The following C11orf52 variants were observed in gnomAD, a reference collection of about 807,000 sequenced individuals.
C11orf52 encodes uncharacterized protein C11orf52.
Under a neutral mutation model 11.7 loss-of-function variants are expected in C11orf52, and 9 were observed. That is an observed-to-expected ratio of 0.77 (90% confidence interval 0.46 to 1.34). The LOEUF is 1.34. Among genes scored for constraint, C11orf52 ranks in the 40% most tolerant of loss-of-function variants. The pLI, the probability that C11orf52 is intolerant of heterozygous loss-of-function variation, is 0.00. For synonymous variants in C11orf52, 49 were observed against 57.4 expected, an observed-to-expected ratio of 0.85 and a Z score of 0.66; for missense variants, 139 against 154.8, an observed-to-expected ratio of 0.90 and a Z score of 0.54.
chr11:111,925,345 G>A (rs1208075494), intron 2 of C11orf52, among the ~76,000 whole-genome samples: 2 of 152,204 alleles, frequency 1.3e-5, no homozygotes, highest in Non-Finnish European at 2.9e-5. Context: ...AGAGGAAACA[G>A]CTTACTCATC....
chr11:111,921,462 T>C (rs1965697543), intron 1 of C11orf52, among the ~76,000 whole-genome samples: 1 of 152,236 alleles, frequency 6.6e-6, no homozygotes, highest in South Asian at 2.1e-4. Flanking sequence ...AAAATTTTAC[T>C]CTTTATTAAG....
In C11orf52 at chr11:111,925,253, G is replaced by C. The variant is rs189602121; in HGVS notation, c.71-400G>C. The stretch of plus-strand genomic sequence containing the variant: ...CAAAGTGGCTGATTGGTATAGCTGA[G>C]CACTTCCCACCTTGCATTGTAAGTG... On this transcript the variant is annotated intron_variant, in intron 2 of 3. Transcript: ENST00000278601. Among the ~76,000 whole-genome samples, 867 of 151,688 alleles carry C rather than the reference G, an allele frequency of 5.7e-3. 3 individuals are homozygous for C. Among genetic ancestry groups the C allele is most frequent in the Middle Eastern group, 0.01 (3 of 290 alleles).
At chr11:111,919,658 C>T (rs1287673573) in intron 1 of C11orf52, among the ~76,000 whole-genome samples, 1 of 152,106 alleles carries the variant, frequency 6.6e-6, no homozygotes, top group African/African-American at 2.4e-5. Context: ...AGACATTTTA[C>T]AGTCTCATTT....
At position 111,925,594 on chromosome 11, in the gene C11orf52, G is replaced by C. The variant is rs1210381316; in HGVS notation, c.71-59G>C. 7.9e-6 allele frequency: 12 copies of C among 1,528,144 alleles called. No individual in the cohort carries two copies. In the East Asian group the frequency reaches 9.0e-5, roughly 12 times the overall value. The allele number at this position is 1,528,144 out of a possible 1,614,324, so 94.7% of individuals were successfully genotyped here. ...ATAGTTTAATAGTGATTTGAAGAAG[G>C]CAATCTCAGTAGAGACAGGGAAGAG... is the stretch of plus-strand genomic sequence containing the variant. On this transcript the variant is annotated intron_variant, in intron 2 of 3. Coordinates refer to ENST00000278601, the MANE Select transcript of C11orf52 (RefSeq NM_080659.3).
rs1555166957 is a variant in C11orf52 at position 111,926,113 on chromosome 11, C to G, written c.286C>G (p.His96Asp). The change falls in exon 4 of 4, where the codon CAT becomes GAT. Residue 96 changes from histidine to aspartate, a missense_variant. Coordinates refer to ENST00000278601, the MANE Select transcript of C11orf52 (RefSeq NM_080659.3). ...RPHAREVKHV[H>D]LENATEYATL... ...CCATGCCCGGGAAGTGAAACACGTGCATTTAGAAAACGCTACAGAGTATGC... is the reference window on the plus strand; with the variant it reads ...CCATGCCCGGGAAGTGAAACACGTGGATTTAGAAAACGCTACAGAGTATGC... 6.2e-7 allele frequency: 1 copy of G among 1,614,134 alleles called. No homozygotes were observed. Among genetic ancestry groups the G allele is most frequent in the Non-Finnish European group, 8.5e-7 (1 of 1,180,058 alleles).
intron 1 of C11orf52, among the ~76,000 whole-genome samples, chr11:111,921,036 C>T (rs1294879680): frequency 6.6e-6 from 1 of 152,170 alleles, no homozygotes; most frequent in African/African-American, 2.4e-5. Flanking sequence ...GAATTTTCAT[C>T]ACTGCCATGC....
chr11:111,924,075 G>C (rs1965746627), intron 1 of C11orf52, among the ~76,000 whole-genome samples: 1 of 152,210 alleles, frequency 6.6e-6, no homozygotes, highest in Non-Finnish European at 1.5e-5. Context: ...GTAGTGCCTG[G>C]TTGCCTGAGG....
At chr11:111,922,539 T>C (rs12289869) in intron 1 of C11orf52, among the ~76,000 whole-genome samples, 7,086 of 152,278 alleles carry the variant, frequency 0.047, 538 homozygotes, top group African/African-American at 0.16. Context: ...TATTTCCATA[T>C]ATTTTTTAAA....
intron 2 of C11orf52, 43 bp downstream of exon 2, chr11:111,924,406 A>C (rs1555166762): frequency 6.5e-7 from 1 of 1,543,002 alleles, no homozygotes; most frequent in Admixed American, 1.7e-5. Flanking sequence ...GAGGCAAATT[A>C]GAGAAGACAA....
chr11:111,923,636 C>A (rs1412909738), intron 1 of C11orf52: 1 of 152,170 alleles, frequency 6.6e-6, no homozygotes, highest in Non-Finnish European at 1.5e-5. Flanking sequence ...ATTGGGGACC[C>A]CAGGGGCTCA....
At chr11:111,923,994 C>T (rs1231344028) in intron 1 of C11orf52, among the ~76,000 whole-genome samples, 1 of 152,158 alleles carries the variant, frequency 6.6e-6, no homozygotes, top group Non-Finnish European at 1.5e-5. Flanking sequence ...ACAGATTTCC[C>T]TCACCCTCTG....
chr11:111,924,252 C>T, intron 1 of C11orf52, 74 bp from the exon 2 acceptor site: 1 of 1,433,378 alleles, frequency 7.0e-7, no homozygotes, highest in Non-Finnish European at 9.7e-7. Flanking sequence ...AAGGAGACCA[C>T]AGAGCAAATG....
At chr11:111,923,416 G>A (rs77077562) in intron 1 of C11orf52, among the ~76,000 whole-genome samples, 162 of 152,196 alleles carry the variant, frequency 1.1e-3, no homozygotes, top group African/African-American at 3.7e-3. Context: ...TCTCTCTCTC[G>A]CCCTCTCAAA....
At chr11:111,924,814 C>T (rs1026791702) in intron 2 of C11orf52, among the ~76,000 whole-genome samples, 18 of 152,088 alleles carry the variant, frequency 1.2e-4, no homozygotes, top group South Asian at 1.0e-3. Context: ...ACACTGATGT[C>T]GAAATGTCAA....
At chr11:111,921,725 C>A (rs1344319112) in intron 1 of C11orf52, among the ~76,000 whole-genome samples, 2 of 152,102 alleles carry the variant, frequency 1.3e-5, no homozygotes, top group African/African-American at 4.8e-5. Context: ...CATTAGTGGT[C>A]AACTTTTACT....
At chr11:111,925,514 A>C in intron 2 of C11orf52, 139 bp from the exon 3 acceptor site, 3 of 827,232 alleles carry the variant, frequency 3.6e-6, no homozygotes, top group Non-Finnish European at 5.9e-6. Flanking sequence ...TAGCACTAGT[A>C]GACATGAAAG....
intron 2 of C11orf52, among the ~76,000 whole-genome samples, chr11:111,925,072 C>T (rs587707475): frequency 6.6e-6 from 1 of 152,144 alleles, no homozygotes; most frequent in Admixed American, 6.5e-5. Flanking sequence ...TGCAGTGAGT[C>T]GAGATCGCGC....
At chr11:111,922,699 A>T (rs1442683223) in intron 1 of C11orf52, among the ~76,000 whole-genome samples, 1 of 152,232 alleles carries the variant, frequency 6.6e-6, no homozygotes, top group African/African-American at 2.4e-5. Flanking sequence ...GTCAGTTACC[A>T]AATCATGGAC....
chr11:111,923,181 G>A (rs1021317427), intron 1 of C11orf52, among the ~76,000 whole-genome samples: 1 of 152,218 alleles, frequency 6.6e-6, no homozygotes, highest in Admixed American at 6.5e-5. Context: ...TGACTGAGCA[G>A]CAGTAACATA....
Sources: allele counts gnomAD v4.1 joint callset (sites outside exome capture counted in the v4.1 genomes callset), GRCh38; gene constraint gnomAD v4.1.1; transcripts MANE v1.5; gene names NCBI Gene and HGNC (gene_info 2026-07-23, HGNC 2026-07-21).